Variants in ATP10B observed in about 807,000 individuals in gnomAD.
ATP10B encodes phospholipid-transporting ATPase VB.
In ATP10B, 122 loss-of-function variants were observed where a neutral mutation model predicts 141.2. The observed-to-expected ratio is 0.86, with a 90% confidence interval of 0.75 to 1.00. The LOEUF is 1.00. ATP10B is among the 50% of genes least tolerant of loss of function. ATP10B has a pLI of 0.00. For synonymous variants in ATP10B, 685 were observed against 692.0 expected, an observed-to-expected ratio of 0.99 and a Z score of 0.16; for missense variants, 1,876 against 1,825.3, an observed-to-expected ratio of 1.03 and a Z score of -0.51.
chr5:160,845,688 C>T (rs1045933656), intron 1 of ATP10B, among the ~76,000 whole-genome samples: 1 of 152,154 alleles, frequency 6.6e-6, no homozygotes, highest in East Asian at 1.9e-4. Flanking sequence ...AAATTAAATA[C>T]ATCTTCCTTC....
intron 1 of ATP10B, among the ~76,000 whole-genome samples, chr5:160,811,356 T>G (rs559773730): frequency 6.6e-6 from 1 of 151,724 alleles, no homozygotes; most frequent in South Asian, 2.1e-4. Flanking sequence ...TACAGGGGAG[T>G]AGAGAACCAA....
At position 160,815,414 on chromosome 5, in the gene ATP10B, G is replaced by T. The variant is rs186214651; in HGVS notation, c.-575-29611C>A. 7.0e-3 allele frequency among the ~76,000 whole-genome samples: 1,063 copies of T among 152,178 alleles called. 18 individuals are homozygous for T. Among genetic ancestry groups the T allele is most frequent in the African/African-American group, 0.024 (1,002 of 41,534 alleles). On this transcript the variant is annotated intron_variant, in intron 1 of 25. Transcript: ENST00000327245. ...AGAAGCCCATTACATAATGGTAAAG[G>T]GATCAATTCAACAAGAAGAGCTAAC...
chr5:160,658,982 C>T (rs1439807079), intron 7 of ATP10B, among the ~76,000 whole-genome samples: 2 of 152,176 alleles, frequency 1.3e-5, no homozygotes, highest in African/African-American at 2.4e-5. Context: ...GTATGGTTTT[C>T]ATTTGAGATA....
At chr5:160,807,311 A>G (rs1772843815) in intron 1 of ATP10B, among the ~76,000 whole-genome samples, 1 of 152,166 alleles carries the variant, frequency 6.6e-6, no homozygotes, top group Non-Finnish European at 1.5e-5. Context: ...TTTTCACTGT[A>G]AACCATTTTT....
intron 2 of ATP10B, among the ~76,000 whole-genome samples, chr5:160,725,900 TTTG>T (rs1275149443): frequency 1.3e-5 from 2 of 152,150 alleles, no homozygotes; most frequent in Admixed American, 1.3e-4. Flanking sequence ...CCAAAATTTT[TTTG>T]TTTTTTTCTT....
the ATP10B span, among the ~76,000 whole-genome samples, chr5:160,870,686 T>G: frequency 6.6e-6 from 1 of 151,450 alleles, no homozygotes; most frequent in Non-Finnish European, 1.5e-5. Context: ...TTCCCCAAAT[T>G]AATGTCAGAC....
In ATP10B at chr5:160,612,090, C is replaced by T. The variant is rs566610983; in HGVS notation, c.2838+651G>A. The T allele has an allele frequency of 2.6e-5, 4 of 152,346 alleles. No individual in the cohort carries two copies. The East Asian group carries it at 7.7e-4, about 29-fold the overall frequency. The allele number at this position is 152,346 out of a possible 1,614,324, so 9.4% of individuals were successfully genotyped here. ...CACTCCCTGCCACCCGTAATCTATT[C>T]CAGTTGAAAAGTGCCATTTTTAGAT... On this transcript the variant is annotated intron_variant, in intron 18 of 25. Transcript: ENST00000327245.
chr5:160,837,587 C>T (rs1270984262), intron 1 of ATP10B, among the ~76,000 whole-genome samples: 1 of 151,160 alleles, frequency 6.6e-6, no homozygotes, highest in Non-Finnish European at 1.5e-5. Flanking sequence ...AAAAGGAACA[C>T]ATTTTTAATA....
In ATP10B at chr5:160,569,654, G is replaced by T. The variant is rs767453100; in HGVS notation, c.3780C>A (p.Gly1260=). The part of the protein sequence containing the change: ...WTIFHGVVLL[G]SFLMYFLVSL... Reference sequence around the variant, plus strand: ...ATACCAGAAAGTACATCAGGAAGCTGCCGAGGAGCACGACTCCGTGGAAAA... The same window carrying T: ...ATACCAGAAAGTACATCAGGAAGCTTCCGAGGAGCACGACTCCGTGGAAAA... Residue 1260 remains glycine (G), a synonymous_variant, in exon 25 of 26, where the codon GGC becomes GGA. Transcript: ENST00000327245. 5 of 1,596,770 alleles carry T rather than the reference G, an allele frequency of 3.1e-6. No homozygotes were observed. In the Admixed American group the frequency reaches 8.7e-5, roughly 28 times the overall value.
intron 4 of ATP10B, 100 bp from the exon 5 acceptor site, chr5:160,688,194 T>C: frequency 1.6e-6 from 2 of 1,281,622 alleles, no homozygotes; most frequent in Admixed American, 5.4e-5. Context: ...CTGAAAGTAG[T>C]CTTAACCCAC....
At chr5:160,858,477 G>A in the ATP10B span, among the ~76,000 whole-genome samples, 1 of 151,760 alleles carries the variant, frequency 6.6e-6, no homozygotes, top group Admixed American at 6.6e-5. Flanking sequence ...TATGTAAACT[G>A]TGTTCCTTGG....
intron 8 of ATP10B, 72 bp downstream of exon 8, chr5:160,649,099 T>C: frequency 9.0e-7 from 1 of 1,109,706 alleles, no homozygotes; most frequent in Non-Finnish European, 1.3e-6. Flanking sequence ...ATTTGTTTGG[T>C]CATTTCTAGA....
At chr5:160,923,884 AAG>A in the ATP10B span, among the ~76,000 whole-genome samples, 1 of 152,242 alleles carries the variant, frequency 6.6e-6, no homozygotes, top group Non-Finnish European at 1.5e-5. Context: ...CAAGAAAGGA[AAG>A]AGAAATTGGA....
At chr5:160,650,147 C>T (rs1057381171) in intron 7 of ATP10B, among the ~76,000 whole-genome samples, 4 of 149,030 alleles carry the variant, frequency 2.7e-5, no homozygotes, top group African/African-American at 7.4e-5. Context: ...CACACACACA[C>T]ATACATATAT....
the ATP10B span, among the ~76,000 whole-genome samples, chr5:160,861,867 TAAC>T: frequency 2.0e-5 from 3 of 152,070 alleles, no homozygotes; most frequent in African/African-American, 7.2e-5. Context: ...TCTTTAAAAA[TAAC>T]AATATATCTA....
chr5:160,603,836 C>T, intron 20 of ATP10B, 129 bp downstream of exon 20: 1 of 710,370 alleles, frequency 1.4e-6, no homozygotes, highest in Non-Finnish European at 2.5e-6. Context: ...TCTGTCATTG[C>T]TTATGGAGGG....
intron 6 of ATP10B, among the ~76,000 whole-genome samples, chr5:160,684,529 G>GA (rs1763630641): frequency 6.6e-6 from 1 of 152,180 alleles, no homozygotes; most frequent in Admixed American, 6.5e-5. Flanking sequence ...AGCCTTAAAT[G>GA]TGCTCATGGC....
chr5:160,902,646 T>G, the ATP10B span, among the ~76,000 whole-genome samples: 4 of 152,326 alleles, frequency 2.6e-5, no homozygotes, highest in Non-Finnish European at 5.9e-5. Context: ...CTGAGCATGA[T>G]AGAGAAAAGT....
intron 24 of ATP10B, among the ~76,000 whole-genome samples, chr5:160,570,653 G>C (rs1754819847): frequency 6.6e-6 from 1 of 152,136 alleles, no homozygotes. Flanking sequence ...TCAACTCACT[G>C]GCATTATTGT....
Sources: allele counts gnomAD v4.1 joint callset (sites outside exome capture counted in the v4.1 genomes callset), GRCh38; gene constraint gnomAD v4.1.1; transcripts MANE v1.5; gene names NCBI Gene and HGNC (gene_info 2026-07-23, HGNC 2026-07-21).